Variants in OPRM1 observed in about 807,000 individuals in gnomAD.
OPRM1 encodes the protein mu-type opioid receptor.
In OPRM1, 27 loss-of-function variants were observed where a neutral mutation model predicts 31.8. The ratio of observed to expected loss-of-function variants is 0.85; its 90% CI spans 0.63 to 1.17. The LOEUF (loss-of-function observed/expected upper bound fraction) is 1.17, where lower values mean the gene tolerates loss of function less well. Ranked by LOEUF, OPRM1 falls within the 50% of genes most tolerant of loss-of-function variation. The probability of loss-of-function intolerance (pLI) is 0.00; values close to 1 mark genes in which losing one functional copy is unlikely to be tolerated. For missense variants in OPRM1, 536 were observed against 511.1 expected (o/e 1.05, Z -0.47); for synonymous variants, 196 against 189.9 (o/e 1.03, Z -0.26).
chr6:154,235,482 G>A (rs370876397), intron 3 of OPRM1, among the ~76,000 whole-genome samples: 1 of 136,070 alleles, frequency 7.3e-6, no homozygotes, highest in African/African-American at 2.8e-5. Flanking sequence ...AGTCAGCCGA[G>A]ATCGCACCAT....
chr6:154,093,567 C>G (rs201368280), intron 3 of OPRM1: 39 of 1,516,196 alleles, frequency 2.6e-5, no homozygotes, highest in Non-Finnish European at 3.3e-5. Context: ...TGGAGGAGTT[C>G]TGTTCCAAGT....
intron 3 of OPRM1, among the ~76,000 whole-genome samples, chr6:154,242,384 G>GA (rs1780666542): frequency 6.6e-6 from 1 of 152,068 alleles, no homozygotes; most frequent in Admixed American, 6.5e-5. Flanking sequence ...TCCATTTCTT[G>GA]AAATTCCCAT....
At chr6:154,087,138 G>T (rs1174409122) in intron 1 of OPRM1, 2 of 985,104 alleles carry the variant, frequency 2.0e-6, no homozygotes, top group South Asian at 4.7e-5. Flanking sequence ...CCAAAAAAAA[G>T]CCCCCAAGTC....
chr6:154,170,001 C>T (rs919553598), intron 3 of OPRM1, among the ~76,000 whole-genome samples: 3 of 152,142 alleles, frequency 2.0e-5, no homozygotes, highest in African/African-American at 7.2e-5. Flanking sequence ...CTTGATGATA[C>T]CGTTGGAGCC....
chr6:154,065,704 T>C (rs890778141), intron 1 of OPRM1, among the ~76,000 whole-genome samples: 8 of 152,166 alleles, frequency 5.3e-5, no homozygotes, highest in Non-Finnish European at 2.9e-5. Context: ...GATTATGTCA[T>C]CTGCAAACAT....
intron 3 of OPRM1, among the ~76,000 whole-genome samples, chr6:154,242,860 C>A (rs1780703373): frequency 6.7e-6 from 1 of 149,810 alleles, no homozygotes; most frequent in African/African-American, 2.5e-5. Context: ...TGTACTCCAG[C>A]CTGGGCCATA....
intron 3 of OPRM1, among the ~76,000 whole-genome samples, chr6:154,219,985 AGT>A (rs57450665): frequency 0.2 from 27,885 of 139,754 alleles, 2,611 homozygotes; most frequent in East Asian, 0.27. Flanking sequence ...ACCTGTAAGG[AGT>A]GTGTGTGTGT....
rs1267051957 is a variant in OPRM1, at chr6:154,125,366, A to G, written c.*6645A>G. ...TTCTACCTGCCCCACAACTGTGTAC[A>G]TAAAACCTAAACCTCTGAAGCAATA... On this transcript the variant is annotated 3_prime_UTR_variant, in exon 4 of 4. Transcript: ENST00000330432. 6.6e-6 allele frequency among the ~76,000 whole-genome samples: 1 copy of G among 152,216 alleles called. No individual in the cohort carries two copies. Among genetic ancestry groups the G allele is most frequent in the African/African-American group, 2.4e-5 (1 of 41,460 alleles).
At chr6:154,108,139 G>T (rs1795886943) in intron 3 of OPRM1, 2 of 561,314 alleles carry the variant, frequency 3.6e-6, no homozygotes, top group African/African-American at 2.0e-5. Context: ...TCGCCTACGG[G>T]CCAAGCTGCA....
At chr6:154,030,591 T>C (rs1239783745) in intron 1 of OPRM1, among the ~76,000 whole-genome samples, 1 of 152,012 alleles carries the variant, frequency 6.6e-6, no homozygotes, top group African/African-American at 2.4e-5. Flanking sequence ...ACTTTCCCAG[T>C]AGCAAATTAA....
intron 3 of OPRM1, chr6:154,246,519 A>G: frequency 2.0e-6 from 3 of 1,478,856 alleles, no homozygotes; most frequent in Non-Finnish European, 2.7e-6. Flanking sequence ...ACTTTCCCAT[A>G]GGGATCACCT....
chr6:154,186,529 C>A (rs565864653), intron 3 of OPRM1, among the ~76,000 whole-genome samples: 3 of 152,090 alleles, frequency 2.0e-5, no homozygotes, highest in Non-Finnish European at 4.4e-5. Flanking sequence ...TGTCCGTGCA[C>A]GGAGCCAGAG....
Position 154,042,082 on chromosome 6 carries a change from A to G in OPRM1, c.290+2248A>G, listed in dbSNP as rs1270958625. ...CATGTTATTATGCTTTATTCTCGGTACTGAAAGTTCTTACAAAATGCAGTA... is the reference window on the plus strand; with the variant it reads ...CATGTTATTATGCTTTATTCTCGGTGCTGAAAGTTCTTACAAAATGCAGTA... On this transcript the variant is annotated intron_variant, in intron 1 of 3. Coordinates refer to ENST00000330432, the MANE Select transcript of OPRM1 (RefSeq NM_000914.5). Among the ~76,000 whole-genome samples the G allele has an allele frequency of 2.0e-5, 3 of 152,298 alleles. No homozygotes were observed. In the East Asian group the frequency reaches 5.8e-4, roughly 29 times the overall value.
intron 3 of OPRM1, among the ~76,000 whole-genome samples, chr6:154,186,597 C>T (rs1801377019): frequency 6.6e-6 from 1 of 151,924 alleles, no homozygotes; most frequent in South Asian, 2.1e-4. Context: ...CGCTTTGTCG[C>T]CCAGGCTGGA....
chr6:154,088,891 TC>T (rs1791304577), intron 1 of OPRM1, among the ~76,000 whole-genome samples: 1 of 152,176 alleles, frequency 6.6e-6, no homozygotes, highest in Non-Finnish European at 1.5e-5. Context: ...CCATTCCAAC[TC>T]TACATCTTTG....
At position 154,237,471 on chromosome 6, in the gene OPRM1, T is replaced by A. The variant is rs912882418; in HGVS notation, c.1165-9222T>A. 2.0e-5 allele frequency among the ~76,000 whole-genome samples: 3 copies of A among 152,210 alleles called. 1 individual carries two copies. In the South Asian group the frequency reaches 6.2e-4, roughly 32 times the overall value. ...GGTATCTGAAAATTCCTAGCACAAT[T>A]CTCCTGCATCCTAAAATCTCAATAT... On this transcript the variant is annotated intron_variant, in intron 3 of 3. Transcript: ENST00000337049.
Position 154,131,219 on chromosome 6 carries a change from TATA to T in OPRM1, c.*12501_*12503del, listed in dbSNP as rs1562499921. Among the ~76,000 whole-genome samples, 3 of 152,210 alleles carry T rather than the reference TATA, an allele frequency of 2.0e-5. No homozygotes were observed. The highest frequency in any genetic ancestry group is 7.2e-5 in the African/African-American group (3 of 41,464). On this transcript the variant is annotated 3_prime_UTR_variant, in exon 4 of 4. Transcript: ENST00000330432. ...ATAACCCTTGGTTTTAAAAGATACA[TATA>T]ATGTTTCCGTAGGAAAAAAATCAAA...
At chr6:154,081,463 G>A (rs903656597) in intron 1 of OPRM1, among the ~76,000 whole-genome samples, 6 of 152,094 alleles carry the variant, frequency 3.9e-5, no homozygotes, top group Non-Finnish European at 8.8e-5. Flanking sequence ...CCGAGATCGC[G>A]CCACTGCACT....
At chr6:154,176,555 A>G (rs1164417743) in intron 3 of OPRM1, among the ~76,000 whole-genome samples, 1 of 152,176 alleles carries the variant, frequency 6.6e-6, no homozygotes, top group African/African-American at 2.4e-5. Flanking sequence ...ATCATGAGTG[A>G]ACTCCCATTC....
Sources: allele counts gnomAD v4.1 joint callset (sites outside exome capture counted in the v4.1 genomes callset), GRCh38; gene constraint gnomAD v4.1.1; transcripts MANE v1.5; gene names NCBI Gene and HGNC (gene_info 2026-07-23, HGNC 2026-07-21).